The following NAV3 variants were observed in gnomAD, a reference collection of about 807,000 sequenced individuals.
The protein encoded by NAV3 is pore membrane and/or filament interacting like protein 1.
NAV3 carries 87 observed loss-of-function variants against 244.7 expected under a neutral mutation model. The ratio of observed to expected loss-of-function variants is 0.36; its 90% CI spans 0.30 to 0.42. NAV3 has a LOEUF of 0.42. Ranked by LOEUF, NAV3 falls within the 20% of genes least tolerant of loss-of-function variation. The pLI is 1.00. For synonymous variants in NAV3, 1,126 were observed against 1,042.2 expected, an observed-to-expected ratio of 1.08 and a Z score of -1.55; for missense variants, 2,663 against 2,893.3, an observed-to-expected ratio of 0.92 and a Z score of 1.83.
intron 23 of NAV3, among the ~76,000 whole-genome samples, chr12:78,167,571 A>G (rs572861627): frequency 4.0e-5 from 6 of 150,486 alleles, no homozygotes; most frequent in African/African-American, 1.5e-4. Flanking sequence ...ATTCCCATGT[A>G]TGAAGCAATT....
rs570342233 is a variant in NAV3, at chr12:78,095,463, CG to C, written c.2637-21308del. ...TACAGAGTGGCTCAATGTGACTATT[CG>C]TAGGTAAACAATGGGAAACGAGGCT... On this transcript the variant is annotated intron_variant, in intron 12 of 39. Transcript: ENST00000397909. Among the ~76,000 whole-genome samples, 109 of 152,212 alleles carry C rather than the reference CG, an allele frequency of 7.2e-4. 1 individual carries two copies. In the Middle Eastern group the frequency reaches 0.014, roughly 19 times the overall value.
chr12:77,834,631 A>G (rs1874304360), intron 1 of NAV3, among the ~76,000 whole-genome samples: 1 of 152,146 alleles, frequency 6.6e-6, no homozygotes, highest in Non-Finnish European at 1.5e-5. Flanking sequence ...TTGGCCTAGG[A>G]TTTGAGCACT....
intron 22 of NAV3, among the ~76,000 whole-genome samples, chr12:78,158,183 T>C (rs1333834406): frequency 2.0e-5 from 3 of 152,182 alleles, no homozygotes; most frequent in Admixed American, 6.6e-5. Flanking sequence ...AAAAAGAAAT[T>C]CATTTTTGGC....
intron 2 of NAV3, among the ~76,000 whole-genome samples, chr12:77,780,895 A>G (rs1870631081): frequency 6.6e-6 from 1 of 152,126 alleles, no homozygotes; most frequent in African/African-American, 2.4e-5. Flanking sequence ...TTTGGTTACA[A>G]TTCTTTTCCT....
intron 2 of NAV3, among the ~76,000 whole-genome samples, chr12:77,597,246 A>AT (rs1870210670): frequency 6.6e-6 from 1 of 152,082 alleles, no homozygotes; most frequent in African/African-American, 2.4e-5. Flanking sequence ...CACCAACAAG[A>AT]TACCGTATGT....
intron 5 of NAV3, among the ~76,000 whole-genome samples, chr12:77,983,068 G>C (rs1441197051): frequency 1.3e-5 from 2 of 152,166 alleles, no homozygotes; most frequent in Admixed American, 1.3e-4. Context: ...TGAGAGAGAA[G>C]ACTGGAGAAA....
intron 5 of NAV3, among the ~76,000 whole-genome samples, chr12:77,981,945 T>C (rs1869641386): frequency 1.3e-5 from 2 of 152,090 alleles, no homozygotes; most frequent in Non-Finnish European, 2.9e-5. Context: ...TTTATGTGAC[T>C]CCAAGACTGA....
At chr12:77,608,056 A>G (rs186286055) in intron 2 of NAV3, among the ~76,000 whole-genome samples, 9 of 152,148 alleles carry the variant, frequency 5.9e-5, no homozygotes, top group East Asian at 5.8e-4. Flanking sequence ...AGATCCAATA[A>G]GAAATGAGAC....
intron 2 of NAV3, among the ~76,000 whole-genome samples, chr12:77,725,442 C>G (rs1203122814): frequency 1.3e-5 from 2 of 151,632 alleles, no homozygotes; most frequent in African/African-American, 2.4e-5. Flanking sequence ...TTGCTGTGTA[C>G]ATTTTCATTT....
chr12:77,631,368 G>GA (rs1208036040), intron 2 of NAV3, among the ~76,000 whole-genome samples: 3 of 148,634 alleles, frequency 2.0e-5, no homozygotes. Flanking sequence ...AAGAAAAAAA[G>GA]AAAGAAAAGA....
chr12:77,645,238 A>G (rs1182088519), intron 2 of NAV3, among the ~76,000 whole-genome samples: 1 of 151,012 alleles, frequency 6.6e-6, no homozygotes, highest in East Asian at 1.9e-4. Flanking sequence ...AGTCACACAA[A>G]TAATTCAAAA....
At chr12:78,053,754 A>G (rs1470108897) in intron 11 of NAV3, among the ~76,000 whole-genome samples, 1 of 152,214 alleles carries the variant, frequency 6.6e-6, no homozygotes, top group Non-Finnish European at 1.5e-5. Context: ...TGATACAAGA[A>G]CACAGAGTAT....
chr12:78,067,668 A>G lies in NAV3; in HGVS notation c.2636+8553A>G, dbSNP rs555521175. 3.3e-5 allele frequency among the ~76,000 whole-genome samples: 5 copies of G among 152,232 alleles called. No homozygotes were observed. The South Asian group carries it at 8.3e-4, about 25-fold the overall frequency. Reference sequence around the variant, plus strand: ...TTCAAGAGTCTTATATTAGAAGAGCATTAGAATAGGGATTGTTAAACCTCA... The same window carrying G: ...TTCAAGAGTCTTATATTAGAAGAGCGTTAGAATAGGGATTGTTAAACCTCA... On this transcript the variant is annotated intron_variant, in intron 12 of 39. Coordinates refer to ENST00000397909, the MANE Select transcript of NAV3 (RefSeq NM_001024383.2).
At chr12:78,064,426 T>TCTGTCTGCCTGCCTGCCTGC (rs66686266) in intron 12 of NAV3, among the ~76,000 whole-genome samples, 18 of 136,292 alleles carry the variant, frequency 1.3e-4, no homozygotes, top group African/African-American at 3.8e-4. Flanking sequence ...TGTCTGTCTG[T>TCTGTCTGCCTGCCTGCCTGC]CTGCCTGCCT....
chr12:78,006,658 G>A lies in NAV3; in HGVS notation c.1120G>A (p.Val374Ile), dbSNP rs1243397006. ...DRLKPPVSEG[V>I]KTAPSGQKSM... is the part of the protein sequence containing the mutation. Reference sequence around the variant, plus strand: ...ACTGAAGCCACCTGTCTCAGAAGGGGTCAAAACTGCTCCCTCAGGACAGAA... The same window carrying A: ...ACTGAAGCCACCTGTCTCAGAAGGGATCAAAACTGCTCCCTCAGGACAGAA... Residue 374 changes from valine to isoleucine, a missense_variant, in exon 8 of 40, where the codon GTC (valine) becomes ATC (isoleucine). Physicochemically the swap from Val to Ile is conservative, Grantham distance 29. Coordinates refer to ENST00000397909, the MANE Select transcript of NAV3 (RefSeq NM_001024383.2). 1 of 1,614,134 alleles carries A rather than the reference G, an allele frequency of 6.2e-7. No individual in the cohort carries two copies. The highest frequency in any genetic ancestry group is 8.5e-7 in the Non-Finnish European group (1 of 1,180,032).
chr12:78,144,000 A>G (rs969409101), intron 20 of NAV3, among the ~76,000 whole-genome samples: 33 of 152,192 alleles, frequency 2.2e-4, no homozygotes, highest in Admixed American at 5.9e-4. Flanking sequence ...GGGAAAATGA[A>G]AGACAGCCAA....
intron 1 of NAV3, among the ~76,000 whole-genome samples, chr12:77,863,662 C>T (rs1358035859): frequency 6.6e-6 from 1 of 151,542 alleles, no homozygotes; most frequent in Non-Finnish European, 1.5e-5. Context: ...CGGAATTCAT[C>T]CAGTTAGCAA....
intron 1 of NAV3, among the ~76,000 whole-genome samples, chr12:77,912,425 C>CTAAAATTA (rs1426814968): frequency 2.4e-4 from 37 of 151,972 alleles, no homozygotes; most frequent in Non-Finnish European, 1.5e-5. Flanking sequence ...GGTCTGGCTG[C>CTAAAATTA]TAAAATTATC....
Position 77,968,568 on chromosome 12 carries a change from A to T in NAV3, c.537A>T (p.Leu179Phe). The change falls in exon 5 of 40, where the codon TTA becomes TTT. Residue 179 changes from leucine (L) to phenylalanine (F), a missense_variant. By Grantham distance (22) the Leu-to-Phe change is conservative. Around this residue, in one of 6 missense-constraint regions of NAV3, gnomAD observed 1,521 missense variants for 1,497.0 expected, o/e 1.02. Transcript: ENST00000397909. ...LKAILGLFFS[L>F]SRYKQQQHHQ... ...CCATTCTAGGGCTGTTTTTCAGTTT[A>T]TCTCGCTACAAGCAGCAACAACACC... 6.2e-7 allele frequency: 1 copy of T among 1,614,124 alleles called. No homozygotes were observed. The highest frequency in any genetic ancestry group is 8.5e-7 in the Non-Finnish European group (1 of 1,180,000).
Sources: allele counts gnomAD v4.1 joint callset (sites outside exome capture counted in the v4.1 genomes callset), GRCh38; gene constraint gnomAD v4.1.1; regional missense constraint gnomAD v4.1.1; transcripts MANE v1.5; gene names NCBI Gene and HGNC (gene_info 2026-07-23, HGNC 2026-07-21).